DGKE: variants seen among roughly 807,000 people sequenced by gnomAD.
The protein encoded by DGKE is DAG kinase epsilon.
In DGKE, 53 loss-of-function variants were observed where a neutral mutation model predicts 70.0. That is an observed-to-expected ratio of 0.76 (90% CI 0.61 to 0.95). The LOEUF (loss-of-function observed/expected upper bound fraction) is 0.95, where lower values mean the gene tolerates loss of function less well. Among genes scored for constraint, DGKE ranks in the 40% least tolerant of loss-of-function variants. The pLI, the probability that DGKE is intolerant of heterozygous loss-of-function variation, is 0.00. For missense variants in DGKE, 655 were observed against 706.9 expected (o/e 0.93, Z 0.83); for synonymous variants, 291 against 257.0 (o/e 1.13, Z -1.27).
intron 3 of DGKE, 136 bp from the exon 4 acceptor site, chr17:56,845,554 G>T: frequency 1.1e-6 from 1 of 898,156 alleles, no homozygotes. Context: ...AGAATTCTTT[G>T]ATTTTTATAT....
At chr17:56,841,218 T>TC (rs1906959511) in intron 2 of DGKE, among the ~76,000 whole-genome samples, 1 of 143,242 alleles carries the variant, frequency 7.0e-6, no homozygotes, top group Non-Finnish European at 1.5e-5. Flanking sequence ...ACCACTGCAC[T>TC]CCAAGCCTAG....
rs971052456 is a variant in DGKE at position 56,847,860 on chromosome 17, C to T, written c.745-62C>T. ...TATCTCTACTCATCTAGAGGGAAAT[C>T]ATCATTACAGATGAAGGAAAATGTT... On this transcript the variant is annotated intron_variant, in intron 4 of 11. Coordinates refer to ENST00000284061, the MANE Select transcript of DGKE (RefSeq NM_003647.3). The T allele has an allele frequency of 2.3e-5, 30 of 1,278,956 alleles. 1 individual carries two copies. In the East Asian group the frequency reaches 8.1e-4, roughly 34 times the overall value. 79.2% of individuals were successfully genotyped at this position (1,278,956 alleles called of 1,614,324 possible).
chr17:56,869,319 ATTAT>A lies in DGKE; in HGVS notation c.*6530_*6533del, dbSNP rs1217666611. On this transcript the variant is annotated 3_prime_UTR_variant, in exon 12 of 12. Transcript: ENST00000284061. ...TCGTCTACCATAAGGTTATATGATA[ATTAT>A]TAGGGCAGGAGAGTGAATGCATCTT... The A allele has an allele frequency of 1.3e-5, 2 of 152,368 alleles. No individual in the cohort carries two copies. The highest frequency in any genetic ancestry group is 4.1e-4 in the South Asian group (2 of 4,826). 9.4% of individuals were successfully genotyped at this position (152,368 alleles called of 1,614,324 possible). A position where few individuals can be genotyped will look rare whatever the true frequency, so the allele number is the denominator to read the frequency against.
rs758008582 is a variant in DGKE, at chr17:56,864,543, A to C, written c.*1752A>C. 17 of 150,638 alleles carry C rather than the reference A, an allele frequency of 1.1e-4. No individual in the cohort carries two copies. Among genetic ancestry groups the C allele is most frequent in the Non-Finnish European group, 2.4e-4 (16 of 67,826 alleles). 9.3% of individuals were successfully genotyped at this position (150,638 alleles called of 1,614,324 possible). ...GAGCAGATCTGTTTTCAGCTTCTTT[A>C]TATACCTTTCATGGTAAGTAACCAT... is the stretch of plus-strand genomic sequence containing the variant. On this transcript the variant is annotated 3_prime_UTR_variant, in exon 12 of 12. Transcript: ENST00000284061.
Position 56,863,123 on chromosome 17 carries a change from A to G in DGKE, c.*332A>G, listed in dbSNP as rs1311580353. 1 of 179,100 alleles carries G rather than the reference A, an allele frequency of 5.6e-6. No individual in the cohort carries two copies. The highest frequency in any genetic ancestry group is 1.2e-5 in the Non-Finnish European group (1 of 86,408). 11.1% of individuals were successfully genotyped at this position (179,100 alleles called of 1,614,324 possible). ...CTGTCTCATGTCTTATTTTTGAACC[A>G]TGCATATGATGGACACACAATGGAT... On this transcript the variant is annotated 3_prime_UTR_variant, in exon 12 of 12. Transcript: ENST00000284061.
chr17:56,836,496 C>T (rs1007269778), intron 2 of DGKE: 1 of 152,202 alleles, frequency 6.6e-6, no homozygotes, highest in African/African-American at 2.4e-5. Flanking sequence ...CTTCCCTTCT[C>T]TGGTGTAGCC....
chr17:56,862,750 T>C lies in DGKE; in HGVS notation c.1663T>C (p.Ser555Pro). ...TGGAGAACAAACAGATGATGACATCTCTAGTACTTCGGATCAAGAAGATAT... is the reference window on the plus strand; with the variant it reads ...TGGAGAACAAACAGATGATGACATCCCTAGTACTTCGGATCAAGAAGATAT... Reference protein sequence around the residue: ...FSGEQTDDDISSTSDQEDIKA... With the variant: ...FSGEQTDDDIPSTSDQEDIKA... The change falls in exon 12 of 12, where the codon TCT becomes CCT. Residue 555 changes from serine to proline, a missense_variant. Physicochemically the swap from Ser to Pro is moderately conservative, Grantham distance 74. Transcript: ENST00000284061. 6.3e-7 allele frequency: 1 copy of C among 1,596,074 alleles called. No individual in the cohort carries two copies.
chr17:56,845,025 T>A (rs567858311), intron 3 of DGKE, among the ~76,000 whole-genome samples: 3 of 152,184 alleles, frequency 2.0e-5, no homozygotes, highest in East Asian at 3.8e-4. Flanking sequence ...ACAGTTTTTT[T>A]AAATGTACAA....
In DGKE at chr17:56,862,167, T is replaced by TG. The variant is rs1567825026; in HGVS notation, c.1442dup (p.Val482SerfsTer16). On this transcript the variant is annotated frameshift_variant, in exon 11 of 12. Coordinates refer to ENST00000284061, the MANE Select transcript of DGKE (RefSeq NM_003647.3). LOFTEE classifies it high-confidence loss of function. The stretch of plus-strand genomic sequence containing the variant: ...ATGACGATGGTCTGCTGGAAGTCGT[T>TG]GGAGTATATGGGTCTTTCCACTGTG... The TG allele has an allele frequency of 6.2e-6, 10 of 1,614,188 alleles. No individual in the cohort carries two copies. Among genetic ancestry groups the TG allele is most frequent in the Non-Finnish European group, 8.5e-6 (10 of 1,180,016 alleles).
Position 56,841,152 on chromosome 17 carries a change from G to A in DGKE, c.465-2867G>A, listed in dbSNP as rs554252718. Among the ~76,000 whole-genome samples, 6 of 151,920 alleles carry A rather than the reference G, an allele frequency of 3.9e-5. No homozygotes were observed. In the East Asian group the frequency reaches 1.2e-3, roughly 29 times the overall value. On this transcript the variant is annotated intron_variant, in intron 2 of 11. Coordinates refer to ENST00000284061, the MANE Select transcript of DGKE (RefSeq NM_003647.3). ...TGTAGTCCCAGCTGCTCAGGAGGCT[G>A]AGGCAGGAGAATCACTTGAACCCAG... is the stretch of plus-strand genomic sequence containing the variant.
intron 1 of DGKE, among the ~76,000 whole-genome samples, chr17:56,834,540 C>T (rs969002384): frequency 2.0e-5 from 3 of 152,190 alleles, no homozygotes; most frequent in Non-Finnish European, 4.4e-5. Context: ...CCGCCTTGGG[C>T]TCCTGGACGC....
At position 56,853,533 on chromosome 17, in the gene DGKE, C is replaced by A. The variant is rs1022138465; in HGVS notation, c.1099-2979C>A. 3.3e-5 allele frequency among the ~76,000 whole-genome samples: 5 copies of A among 152,072 alleles called. No homozygotes were observed. The South Asian group carries it at 6.2e-4, about 19-fold the overall frequency. ...TTCTGCATGTGGATATCCAGCTTTC[C>A]CAGTACCATTTATTGATGAGACTCT... On this transcript the variant is annotated intron_variant, in intron 7 of 11. Transcript: ENST00000284061.
intron 7 of DGKE, among the ~76,000 whole-genome samples, chr17:56,854,714 G>C (rs549489502): frequency 6.6e-6 from 1 of 152,202 alleles, no homozygotes; most frequent in African/African-American, 2.4e-5. Flanking sequence ...TTCATACCAG[G>C]ATGTATTACT....
intron 2 of DGKE, among the ~76,000 whole-genome samples, chr17:56,842,772 A>G (rs1907064409): frequency 6.6e-6 from 1 of 152,170 alleles, no homozygotes; most frequent in Non-Finnish European, 1.5e-5. Flanking sequence ...AATTATAACC[A>G]TTCTTTTCTG....
intron 11 of DGKE, 68 bp from the exon 12 acceptor site, chr17:56,862,541 GTAT>G: frequency 7.6e-7 from 1 of 1,315,054 alleles, no homozygotes. Context: ...ATTGTGGATG[GTAT>G]TATTAAGGAA....
At chr17:56,850,479 G>C (rs1907583153) in intron 7 of DGKE, among the ~76,000 whole-genome samples, 1 of 152,204 alleles carries the variant, frequency 6.6e-6, no homozygotes, top group African/African-American at 2.4e-5. Flanking sequence ...CACAGATTAA[G>C]AGAGGCCACT....
intron 11 of DGKE, 89 bp downstream of exon 11, chr17:56,862,340 T>A: frequency 7.7e-7 from 1 of 1,296,240 alleles, no homozygotes; most frequent in Non-Finnish European, 1.1e-6. Context: ...TACTTTTCTT[T>A]AAACAGTGGT....
chr17:56,846,235 A>G (rs186303540), intron 4 of DGKE: 1 of 153,092 alleles, frequency 6.5e-6, no homozygotes, highest in African/African-American at 2.4e-5. Flanking sequence ...CCATGAAATG[A>G]CAAAAAGGAA....
chr17:56,862,380 C>G, intron 11 of DGKE, 129 bp downstream of exon 11: 2 of 928,314 alleles, frequency 2.2e-6, no homozygotes, highest in Non-Finnish European at 3.2e-6. Flanking sequence ...TCACTGTACA[C>G]TAGCGGCTAG....
Sources: allele counts gnomAD v4.1 joint callset (sites outside exome capture counted in the v4.1 genomes callset), GRCh38; gene constraint gnomAD v4.1.1; transcripts MANE v1.5; gene names NCBI Gene and HGNC (gene_info 2026-07-23, HGNC 2026-07-21).